The following SNTG1 variants were observed in gnomAD, a reference collection of about 807,000 sequenced individuals.
SNTG1 encodes the protein syntrophin gamma 1.
SNTG1 carries 39 observed loss-of-function variants against 74.7 expected under a neutral mutation model. The observed-to-expected ratio is 0.52, with a 90% CI of 0.40 to 0.68. The LOEUF is 0.68. SNTG1 is among the 30% of genes least tolerant of loss of function. The probability of loss-of-function intolerance (pLI) is 0.00; values close to 1 mark genes in which losing one functional copy is unlikely to be tolerated. For missense variants in SNTG1, 685 were observed against 609.5 expected (o/e 1.12, Z -1.30); for synonymous variants, 254 against 217.1 (o/e 1.17, Z -1.49).
intron 8 of SNTG1, among the ~76,000 whole-genome samples, chr8:50,487,689 G>T (rs2093809829): frequency 2.3e-5 from 2 of 88,704 alleles, no homozygotes; most frequent in Non-Finnish European, 6.4e-5. Context: ...GACTGTTGTG[G>T]GGTCGGAGGG....
chr8:50,607,862 A>G (rs2094823949), intron 13 of SNTG1, among the ~76,000 whole-genome samples: 1 of 151,612 alleles, frequency 6.6e-6, no homozygotes, highest in African/African-American at 2.4e-5. Context: ...TTTTTCTGAA[A>G]TAATGCTTTA....
intron 1 of SNTG1, among the ~76,000 whole-genome samples, chr8:50,010,005 A>G (rs993381861): frequency 6.6e-6 from 1 of 152,102 alleles, no homozygotes; most frequent in Non-Finnish European, 1.5e-5. Context: ...AAAAAAACCC[A>G]ATTATTTATT....
chr8:50,114,722 G>T (rs2080743907), intron 1 of SNTG1, among the ~76,000 whole-genome samples: 2 of 152,174 alleles, frequency 1.3e-5, no homozygotes, highest in African/African-American at 4.8e-5. Flanking sequence ...AAAATTAGCT[G>T]GGCGTAGATG....
chr8:50,213,318 A>G (rs911179529), intron 2 of SNTG1, among the ~76,000 whole-genome samples: 7 of 152,190 alleles, frequency 4.6e-5, no homozygotes, highest in Non-Finnish European at 8.8e-5. Context: ...CTTGTGAATA[A>G]TTACTGAGTG....
chr8:50,266,240 A>T (rs1185561611), intron 2 of SNTG1, among the ~76,000 whole-genome samples: 16 of 152,248 alleles, frequency 1.1e-4, no homozygotes, highest in Middle Eastern at 3.4e-3. Flanking sequence ...GGAAAGACAT[A>T]TATAAATCAA....
At chr8:50,183,197 C>A (rs952144507) in intron 2 of SNTG1, among the ~76,000 whole-genome samples, 1 of 152,180 alleles carries the variant, frequency 6.6e-6, no homozygotes, top group Admixed American at 6.5e-5. Flanking sequence ...CCTGGTCACT[C>A]CTGCTCATTT....
intron 2 of SNTG1, among the ~76,000 whole-genome samples, chr8:50,263,303 T>C (rs2087290380): frequency 6.6e-6 from 1 of 152,034 alleles, no homozygotes; most frequent in African/African-American, 2.4e-5. Flanking sequence ...GGTAAAGACA[T>C]GGAGTACAAA....
intron 2 of SNTG1, among the ~76,000 whole-genome samples, chr8:50,240,912 A>T (rs917188761): frequency 1.3e-5 from 2 of 152,194 alleles, no homozygotes; most frequent in African/African-American, 2.4e-5. Context: ...GTGATGATTT[A>T]TATTTTTCTG....
chr8:50,587,109 T>G (rs1445727539), intron 12 of SNTG1, among the ~76,000 whole-genome samples: 1 of 151,670 alleles, frequency 6.6e-6, no homozygotes, highest in Non-Finnish European at 1.5e-5. Flanking sequence ...TAAGACTGGA[T>G]GTATGCCCAA....
chr8:50,563,281 T>A (rs1344300223), intron 12 of SNTG1, among the ~76,000 whole-genome samples: 2 of 152,122 alleles, frequency 1.3e-5, no homozygotes, highest in Admixed American at 1.3e-4. Flanking sequence ...GAGTCCCTTA[T>A]CAATCAACAG....
chr8:49,968,878 T>G (rs991729240), intron 1 of SNTG1, among the ~76,000 whole-genome samples: 2 of 152,142 alleles, frequency 1.3e-5, no homozygotes, highest in African/African-American at 4.8e-5. Context: ...ATCTTTCCCT[T>G]GGACTGATGA....
intron 2 of SNTG1, among the ~76,000 whole-genome samples, chr8:50,184,887 A>G (rs2083326274): frequency 6.6e-6 from 1 of 152,194 alleles, no homozygotes; most frequent in Admixed American, 6.6e-5. Flanking sequence ...GACTTTGTAA[A>G]TGACAGTTAT....
chr8:50,592,019 C>A (rs1047002384), intron 13 of SNTG1, among the ~76,000 whole-genome samples: 4 of 152,136 alleles, frequency 2.6e-5, no homozygotes, highest in African/African-American at 9.7e-5. Flanking sequence ...CTGGGATGTT[C>A]CCTTTGTTGC....
chr8:49,955,975 C>A (rs955408282), intron 1 of SNTG1, among the ~76,000 whole-genome samples: 1 of 152,114 alleles, frequency 6.6e-6, no homozygotes, highest in Admixed American at 6.6e-5. Context: ...GTTTCTTCTG[C>A]TTTCTTTTCA....
intron 2 of SNTG1, among the ~76,000 whole-genome samples, chr8:50,298,803 G>A (rs1409860703): frequency 6.6e-6 from 1 of 152,134 alleles, no homozygotes; most frequent in Non-Finnish European, 1.5e-5. Flanking sequence ...ATACACTTCT[G>A]TGTTTCAGGC....
intron 2 of SNTG1, among the ~76,000 whole-genome samples, chr8:50,345,358 G>C (rs1306787652): frequency 6.6e-6 from 1 of 152,076 alleles, no homozygotes; most frequent in Non-Finnish European, 1.5e-5. Flanking sequence ...CTCTGTTTTA[G>C]TGCCTGCGAG....
chr8:49,966,828 A>G lies in SNTG1; in HGVS notation c.-103+54597A>G, dbSNP rs187259564. The stretch of plus-strand genomic sequence containing the variant: ...GACGTGTGAAATTATTTCCTTTACT[A>G]TATAGGCATATTTTTATGTGCTACT... On this transcript the variant is annotated intron_variant, in intron 1 of 18. Coordinates refer to ENST00000642720, the MANE Select transcript of SNTG1 (RefSeq NM_018967.5). 5.3e-5 allele frequency among the ~76,000 whole-genome samples: 8 copies of G among 152,298 alleles called. No homozygotes were observed. In the East Asian group the frequency reaches 1.5e-3, roughly 29 times the overall value.
intron 1 of SNTG1, among the ~76,000 whole-genome samples, chr8:49,916,176 AT>A (rs55714316): frequency 3.4e-5 from 5 of 147,930 alleles, no homozygotes; most frequent in East Asian, 3.9e-4. Flanking sequence ...TATAATTCAG[AT>A]TTTTTTTTGT....
intron 4 of SNTG1, among the ~76,000 whole-genome samples, chr8:50,432,004 T>TATTTG (rs2093242427): frequency 6.6e-6 from 1 of 152,196 alleles, no homozygotes; most frequent in Admixed American, 6.5e-5. Context: ...GCAGTATCTT[T>TATTTG]CACAAAGCAA....
Sources: allele counts gnomAD v4.1 joint callset (sites outside exome capture counted in the v4.1 genomes callset), GRCh38; gene constraint gnomAD v4.1.1; transcripts MANE v1.5; gene names NCBI Gene and HGNC (gene_info 2026-07-23, HGNC 2026-07-21).